The following PDE4D variants were observed in gnomAD, a reference collection of about 807,000 sequenced individuals.
PDE4D encodes the protein phosphodiesterase 4D.
In PDE4D, 24 loss-of-function variants were observed where a neutral mutation model predicts 87.4. The ratio of observed to expected loss-of-function variants is 0.27; its 90% CI spans 0.20 to 0.39. PDE4D has a LOEUF of 0.39. Ranked by LOEUF, PDE4D falls within the 10% of genes least tolerant of loss-of-function variation. The pLI is 1.00. For missense variants in PDE4D, 714 were observed against 1,041.0 expected (o/e 0.69, Z 4.32); for synonymous variants, 384 against 383.2 (o/e 1.00, Z -0.02).
intron 2 of PDE4D, among the ~76,000 whole-genome samples, chr5:60,122,461 C>T (rs1280131855): frequency 2.0e-5 from 3 of 152,260 alleles, no homozygotes; most frequent in Admixed American, 1.3e-4. Context: ...GACTTCTGTG[C>T]ATCTGCAGGC....
intron 1 of PDE4D, among the ~76,000 whole-genome samples, chr5:59,747,215 G>A (rs2150704824): frequency 6.6e-6 from 1 of 152,080 alleles, no homozygotes; most frequent in South Asian, 2.1e-4. Flanking sequence ...CCAGTATTCT[G>A]ACTCCAAAAA....
chr5:59,208,530 G>A (rs1749337559), intron 2 of PDE4D, among the ~76,000 whole-genome samples: 1 of 152,188 alleles, frequency 6.6e-6, no homozygotes, highest in Non-Finnish European at 1.5e-5. Flanking sequence ...CCATCTCACT[G>A]TAGCAGTGCA....
At chr5:59,179,510 GAAGAA>G in intron 5 of PDE4D, 1 of 321,930 alleles carries the variant, frequency 3.1e-6, no homozygotes, top group Non-Finnish European at 5.9e-6. Flanking sequence ...AGAGAAACAT[GAAGAA>G]GAGATCAATA....
chr5:59,066,460 A>G (rs555780079), intron 5 of PDE4D, among the ~76,000 whole-genome samples: 2 of 152,228 alleles, frequency 1.3e-5, no homozygotes, highest in South Asian at 4.2e-4. Flanking sequence ...AACACAGTAC[A>G]TTTGGAAGCC....
chr5:59,532,200 T>A (rs1006327005), intron 1 of PDE4D, among the ~76,000 whole-genome samples: 4 of 152,176 alleles, frequency 2.6e-5, no homozygotes, highest in African/African-American at 7.2e-5. Flanking sequence ...CGTGGCGTTA[T>A]CTCAGCACAC....
intron 1 of PDE4D, among the ~76,000 whole-genome samples, chr5:60,294,809 C>T (rs1319743775): frequency 6.6e-6 from 1 of 151,894 alleles, no homozygotes; most frequent in Non-Finnish European, 1.5e-5. Context: ...GGTAGAATTG[C>T]TGTTGTTTTT....
intron 5 of PDE4D, among the ~76,000 whole-genome samples, chr5:59,070,302 G>T (rs1027558917): frequency 3.3e-5 from 5 of 151,970 alleles, no homozygotes; most frequent in Non-Finnish European, 7.4e-5. Context: ...GAACTAAGTA[G>T]TACCACAAGG....
chr5:59,664,714 T>C (rs1745784314), intron 1 of PDE4D, among the ~76,000 whole-genome samples: 1 of 152,062 alleles, frequency 6.6e-6, no homozygotes, highest in Non-Finnish European at 1.5e-5. Flanking sequence ...TCTCAGAAAA[T>C]ATTTAAGGAC....
chr5:60,293,534 A>C (rs373049077), intron 1 of PDE4D, among the ~76,000 whole-genome samples: 9 of 152,174 alleles, frequency 5.9e-5, no homozygotes, highest in Middle Eastern at 3.4e-3. Flanking sequence ...AACAAACAAA[A>C]AAAAGATGTA....
intron 1 of PDE4D, among the ~76,000 whole-genome samples, chr5:59,280,125 C>A (rs1765551793): frequency 1.3e-5 from 2 of 152,104 alleles, no homozygotes; most frequent in Middle Eastern, 3.4e-3. Flanking sequence ...ATGACAACAT[C>A]ATGAGTTTGT....
At chr5:60,386,225 T>G (rs1438855800) in intron 1 of PDE4D, among the ~76,000 whole-genome samples, 1 of 152,118 alleles carries the variant, frequency 6.6e-6, no homozygotes, top group Non-Finnish European at 1.5e-5. Flanking sequence ...AATGACTAAT[T>G]AGGAATTTTG....
intron 1 of PDE4D, among the ~76,000 whole-genome samples, chr5:60,393,669 C>A (rs1349901424): frequency 6.6e-6 from 1 of 152,200 alleles, no homozygotes; most frequent in Non-Finnish European, 1.5e-5. Flanking sequence ...TTTTGCCACA[C>A]TCACAGCAAA....
At chr5:59,312,602 C>T (rs1772914795) in intron 1 of PDE4D, among the ~76,000 whole-genome samples, 1 of 152,124 alleles carries the variant, frequency 6.6e-6, no homozygotes, top group Admixed American at 6.5e-5. Context: ...TTAAGCACAC[C>T]AAACTTAAAC....
intron 1 of PDE4D, among the ~76,000 whole-genome samples, chr5:59,314,992 T>C (rs1019012571): frequency 6.6e-6 from 1 of 152,108 alleles, no homozygotes; most frequent in African/African-American, 2.4e-5. Context: ...AGTTCATGCC[T>C]TGTTGGGGGG....
intron 1 of PDE4D, among the ~76,000 whole-genome samples, chr5:59,566,581 TGTGAGA>T (rs1206121659): frequency 2.1e-5 from 3 of 145,284 alleles, no homozygotes; most frequent in African/African-American, 7.7e-5. Flanking sequence ...TGTGTGTGTG[TGTGAGA>T]GAATGAGAGA....
chr5:59,121,718 T>C (rs946858252), intron 5 of PDE4D, among the ~76,000 whole-genome samples: 1 of 152,114 alleles, frequency 6.6e-6, no homozygotes, highest in Non-Finnish European at 1.5e-5. Context: ...CACTACTGGG[T>C]ATTTATCCAA....
chr5:58,982,733 A>G (rs1745504690), intron 11 of PDE4D, among the ~76,000 whole-genome samples: 1 of 152,172 alleles, frequency 6.6e-6, no homozygotes, highest in Non-Finnish European at 1.5e-5. Context: ...GTGGAAGTCC[A>G]TGTTTCTAAG....
Position 59,928,473 on chromosome 5 carries a change from G to C in PDE4D, c.272+60015C>G, listed in dbSNP as rs572703586. 3.5e-4 allele frequency among the ~76,000 whole-genome samples: 54 copies of C among 152,220 alleles called. No homozygotes were observed. In the South Asian group the frequency reaches 0.011, roughly 32 times the overall value. Reference sequence around the variant, plus strand: ...CGCGCCTATAATCCCAGCTAGTCGGGGGGCTGAGACAGGAGAATCACTTGA... The same window carrying C: ...CGCGCCTATAATCCCAGCTAGTCGGCGGGCTGAGACAGGAGAATCACTTGA... On this transcript the variant is annotated intron_variant, in intron 3 of 16. Coordinates refer to the PDE4D transcript ENST00000502484.
At chr5:59,793,105 A>T (rs1290231228) in intron 1 of PDE4D, among the ~76,000 whole-genome samples, 1 of 152,174 alleles carries the variant, frequency 6.6e-6, no homozygotes, top group Non-Finnish European at 1.5e-5. Context: ...CTGACTGCAG[A>T]CTCAGGAGTC....
Sources: allele counts gnomAD v4.1 joint callset (sites outside exome capture counted in the v4.1 genomes callset), GRCh38; gene constraint gnomAD v4.1.1; transcripts MANE v1.5; gene names NCBI Gene and HGNC (gene_info 2026-07-23, HGNC 2026-07-21).